Variants in TRAPPC9 observed in about 807,000 individuals in gnomAD.
The protein encoded by TRAPPC9 is IKK2 binding protein.
TRAPPC9 carries 83 observed loss-of-function variants against 124.0 expected under a neutral mutation model. That is an observed-to-expected ratio of 0.67 (90% CI 0.56 to 0.80). TRAPPC9 has a LOEUF of 0.80. TRAPPC9 is among the 30% of genes least tolerant of loss of function. TRAPPC9 has a pLI of 0.00. For missense variants in TRAPPC9, 1,302 were observed against 1,508.3 expected, an observed-to-expected ratio of 0.86 and a Z score of 2.27; for synonymous variants, 638 against 617.5, an observed-to-expected ratio of 1.03 and a Z score of -0.49.
intron 9 of TRAPPC9, among the ~76,000 whole-genome samples, chr8:140,350,695 C>G (rs1183258234): frequency 6.6e-6 from 1 of 152,122 alleles, no homozygotes; most frequent in African/African-American, 2.4e-5. Context: ...CAAGATCGCC[C>G]AGGAACAGGC....
At chr8:140,255,793 T>C (rs897418270) in intron 15 of TRAPPC9, among the ~76,000 whole-genome samples, 3 of 152,142 alleles carry the variant, frequency 2.0e-5, no homozygotes, top group Non-Finnish European at 2.9e-5. Flanking sequence ...GCCCAAGGCA[T>C]GAGAGTCACT....
intron 9 of TRAPPC9, among the ~76,000 whole-genome samples, chr8:140,359,664 G>A (rs1438981996): frequency 6.6e-6 from 1 of 152,156 alleles, no homozygotes; most frequent in African/African-American, 2.4e-5. Flanking sequence ...AGAATTTACT[G>A]AGCCACATTC....
chr8:140,321,350 C>T (rs531305416), intron 9 of TRAPPC9, among the ~76,000 whole-genome samples: 96 of 152,348 alleles, frequency 6.3e-4, no homozygotes, highest in African/African-American at 2.1e-3. Flanking sequence ...TCCCATTCAG[C>T]TCCGCAGGAC....
chr8:139,858,572 G>A (rs1239868588), intron 21 of TRAPPC9, among the ~76,000 whole-genome samples: 1 of 152,158 alleles, frequency 6.6e-6, no homozygotes, highest in Non-Finnish European at 1.5e-5. Flanking sequence ...GTATACATAG[G>A]GGACAGCCAG....
chr8:140,089,353 A>G (rs1475578545), intron 17 of TRAPPC9, among the ~76,000 whole-genome samples: 1 of 152,170 alleles, frequency 6.6e-6, no homozygotes, highest in Non-Finnish European at 1.5e-5. Context: ...CAGAACTAAG[A>G]CTTGCTCGGG....
chr8:140,397,949 G>A (rs1191293750), intron 6 of TRAPPC9, among the ~76,000 whole-genome samples: 1 of 152,154 alleles, frequency 6.6e-6, no homozygotes, highest in African/African-American at 2.4e-5. Flanking sequence ...CCACATTGTA[G>A]GAGGGACCTG....
intron 21 of TRAPPC9, among the ~76,000 whole-genome samples, chr8:139,827,898 G>A (rs560409374): frequency 9.2e-5 from 14 of 152,320 alleles, no homozygotes; most frequent in East Asian, 1.9e-4. Flanking sequence ...GGGAGCAGGC[G>A]TGTCACACAG....
intron 16 of TRAPPC9, among the ~76,000 whole-genome samples, chr8:140,246,893 G>T (rs189929073): frequency 6.6e-6 from 1 of 152,126 alleles, no homozygotes; most frequent in African/African-American, 2.4e-5. Flanking sequence ...GCTGAGGCAG[G>T]AGAATCACTT....
At chr8:140,414,324 A>G (rs2069823334) in intron 5 of TRAPPC9, among the ~76,000 whole-genome samples, 1 of 152,210 alleles carries the variant, frequency 6.6e-6, no homozygotes, top group Non-Finnish European at 1.5e-5. Context: ...ACTTGAGCCT[A>G]GGAGTTCGAG....
chr8:139,993,129 T>C (rs1249620168), intron 18 of TRAPPC9, among the ~76,000 whole-genome samples: 1 of 152,220 alleles, frequency 6.6e-6, no homozygotes, highest in Admixed American at 6.5e-5. Flanking sequence ...TCATTTTTAA[T>C]GCGTTGCAAA....
chr8:139,772,735 C>A (rs1214810554), intron 21 of TRAPPC9, among the ~76,000 whole-genome samples: 2 of 152,186 alleles, frequency 1.3e-5, no homozygotes, highest in Non-Finnish European at 2.9e-5. Context: ...CAAAAATTCC[C>A]ATGTTGAAGC....
chr8:140,458,420 C>T, upstream of TRAPPC9: 1 of 1,591,294 alleles, frequency 6.3e-7, no homozygotes, highest in Admixed American at 1.8e-5. Context: ...CGGTCGTGCC[C>T]CCCACGTGGG....
At chr8:139,856,202 G>A (rs1212909426) in intron 21 of TRAPPC9, among the ~76,000 whole-genome samples, 1 of 152,182 alleles carries the variant, frequency 6.6e-6, no homozygotes, top group Non-Finnish European at 1.5e-5. Flanking sequence ...GGGATTTGGA[G>A]GAGAGGCCTG....
intron 21 of TRAPPC9, among the ~76,000 whole-genome samples, chr8:139,867,680 A>G (rs1199550477): frequency 6.6e-6 from 1 of 152,232 alleles, no homozygotes; most frequent in African/African-American, 2.4e-5. Context: ...AAATGTTCAA[A>G]ACTGAATCTA....
At chr8:140,093,956 T>C (rs1844748350) in intron 17 of TRAPPC9, among the ~76,000 whole-genome samples, 1 of 152,164 alleles carries the variant, frequency 6.6e-6, no homozygotes, top group African/African-American at 2.4e-5. Flanking sequence ...TCTAACGAAG[T>C]TCCCTCCAGG....
At chr8:139,763,431 C>T (rs978288795) in intron 21 of TRAPPC9, among the ~76,000 whole-genome samples, 7 of 152,320 alleles carry the variant, frequency 4.6e-5, no homozygotes, top group South Asian at 4.1e-4. Context: ...GCCCCTCTCC[C>T]GTGGGGACAT....
chr8:140,321,146 A>T (rs1028065756), intron 9 of TRAPPC9, among the ~76,000 whole-genome samples: 2 of 152,358 alleles, frequency 1.3e-5, no homozygotes, highest in Non-Finnish European at 2.9e-5. Flanking sequence ...AGTGGTGCAG[A>T]TTCTCAACAG....
chr8:140,188,233 A>C (rs2062395409), intron 17 of TRAPPC9, among the ~76,000 whole-genome samples: 1 of 152,230 alleles, frequency 6.6e-6, no homozygotes, highest in African/African-American at 2.4e-5. Flanking sequence ...CAGGGATTTA[A>C]ATTTTAAACA....
chr8:140,418,767 T>TAGAC lies in TRAPPC9; in HGVS notation c.886+7847_886+7848insGTCT, dbSNP rs1256512971. Reference sequence around the variant, plus strand: ...ATAGATAGATAGATAGATAGATAGATAGATAGACAGACAGACAGACAGATG... The same window carrying TAGAC: ...ATAGATAGATAGATAGATAGATAGATAGACAGATAGACAGACAGACAGACAGATG... On this transcript the variant is annotated intron_variant, in intron 5 of 22. Coordinates refer to ENST00000438773, the MANE Select transcript of TRAPPC9 (RefSeq NM_001160372.4). Among the ~76,000 whole-genome samples, 517 of 143,378 alleles carry TAGAC rather than the reference T, an allele frequency of 3.6e-3. 2 individuals are homozygous for TAGAC. The highest frequency in any genetic ancestry group is 9.6e-3 in the South Asian group (42 of 4,382). 94.1% of individuals were successfully genotyped at this position (143,378 alleles called of 152,430 possible).
Sources: gnomAD v4.1 joint callset for allele counts (sites outside exome capture counted in the v4.1 genomes callset) on GRCh38, gnomAD v4.1.1 for gene constraint, MANE v1.5 for transcripts, NCBI Gene and HGNC (gene_info 2026-07-23, HGNC 2026-07-21) for gene names.